SLAMF1: variants seen among roughly 807,000 people sequenced by gnomAD.
SLAMF1 encodes the protein signaling lymphocytic activation molecule family member 1.
SLAMF1 carries 18 observed loss-of-function variants against 35.1 expected under a neutral mutation model. The ratio of observed to expected loss-of-function variants is 0.51; its 90% confidence interval spans 0.35 to 0.76. The LOEUF (loss-of-function observed/expected upper bound fraction) is 0.76, where lower values mean the gene tolerates loss of function less well. Ranked by LOEUF, SLAMF1 falls within the 30% of genes least tolerant of loss-of-function variation. The probability of loss-of-function intolerance (pLI) is 0.01; values close to 1 mark genes in which losing one functional copy is unlikely to be tolerated. For missense variants in SLAMF1, 392 were observed against 413.0 expected (o/e 0.95, Z 0.44); for synonymous variants, 168 against 157.2 (o/e 1.07, Z -0.51).
chr1:160,634,314 C>A, intron 3 of SLAMF1: 1 of 786,130 alleles, frequency 1.3e-6, no homozygotes, highest in Non-Finnish European at 1.5e-6. Context: ...ACCCAGCCAA[C>A]CTTGCAGGTT....
chr1:160,615,424 A>G (rs1191192226), intron 5 of SLAMF1, among the ~76,000 whole-genome samples: 1 of 152,124 alleles, frequency 6.6e-6, no homozygotes, highest in Non-Finnish European at 1.5e-5. Context: ...AAAAAGACTG[A>G]AAAAAGTTGT....
chr1:160,633,212 G>A lies in SLAMF1; in HGVS notation c.700+1401C>T, dbSNP rs559381631. Among the ~76,000 whole-genome samples the A allele has an allele frequency of 2.0e-5, 3 of 152,268 alleles. No individual in the cohort carries two copies. In the East Asian group the frequency reaches 5.8e-4, roughly 29 times the overall value. The stretch of plus-strand genomic sequence containing the variant: ...CCTTCTAAATGACTGTGGGTGGGGA[G>A]AGCGCTCTGAACTGGGGGGTAGCCT... On this transcript the variant is annotated intron_variant, in intron 3 of 6. Transcript: ENST00000302035.
At chr1:160,640,323 G>C in intron 1 of SLAMF1, among the ~76,000 whole-genome samples, 1 of 45,386 alleles carries the variant, frequency 2.2e-5, no homozygotes, top group South Asian at 9.0e-4. Context: ...TATTAGGTTT[G>C]TCATATATAT....
chr1:160,642,299 C>G lies in SLAMF1; in HGVS notation c.76+4571G>C, dbSNP rs906192718. ...CGTTCCCTAGCCTTAGAGGCTATAA[C>G]CACTCTTTATTTGCCTAGCTAACAA... On this transcript the variant is annotated intron_variant, in intron 1 of 6. Coordinates refer to ENST00000302035, the MANE Select transcript of SLAMF1 (RefSeq NM_003037.5). The surrounding 1 kb of genome is among the most constrained non-coding windows in gnomAD (Gnocchi z 4.2). 1.1e-4 allele frequency among the ~76,000 whole-genome samples: 17 copies of G among 152,292 alleles called. No homozygotes were observed. In the South Asian group the frequency reaches 3.5e-3, roughly 32 times the overall value.
Position 160,608,360 on chromosome 1 carries a change from T to TAA in SLAMF1, c.*2387_*2388insTT, listed in dbSNP as rs1334538887. ...TTCTCTAGAATTCAGACATGCTTGG[T>TAA]CAAAAGAAAACAGCATTAGAGGGGA... On this transcript the variant is annotated 3_prime_UTR_variant, in exon 7 of 7. Coordinates refer to ENST00000302035, the MANE Select transcript of SLAMF1 (RefSeq NM_003037.5). 6.6e-6 allele frequency: 1 copy of TAA among 152,050 alleles called. No homozygotes were observed. The highest frequency in any genetic ancestry group is 1.5e-5 in the Non-Finnish European group (1 of 67,990). 9.4% of individuals were successfully genotyped at this position (152,050 alleles called of 1,614,324 possible).
At chr1:160,644,595 TG>T (rs2102371915) in intron 1 of SLAMF1, among the ~76,000 whole-genome samples, 1 of 152,340 alleles carries the variant, frequency 6.6e-6, no homozygotes, top group South Asian at 2.1e-4. Context: ...CCCCACACCT[TG>T]CACCCTTGCA....
At chr1:160,634,218 A>G (rs1660307571) in intron 3 of SLAMF1, 1 of 153,662 alleles carries the variant, frequency 6.5e-6, no homozygotes, top group Non-Finnish European at 1.4e-5. Flanking sequence ...GTAGGTGATC[A>G]GTAAATACTA....
chr1:160,636,116 C>T (rs1012060023), intron 2 of SLAMF1, among the ~76,000 whole-genome samples: 2 of 152,100 alleles, frequency 1.3e-5, no homozygotes, highest in Admixed American at 1.3e-4. Flanking sequence ...CAAGATGTGA[C>T]AAAAACAGGA....
At chr1:160,627,857 T>G (rs948048256) in intron 3 of SLAMF1, among the ~76,000 whole-genome samples, 1 of 152,166 alleles carries the variant, frequency 6.6e-6, no homozygotes, top group African/African-American at 2.4e-5. Flanking sequence ...TCACCTTGAA[T>G]TGTAATAATC....
In SLAMF1 at chr1:160,637,337, C is replaced by T. The variant is rs772545709; in HGVS notation, c.269G>A (p.Arg90His). The T allele has an allele frequency of 2.2e-5, 36 of 1,613,950 alleles. No homozygotes were observed. Among genetic ancestry groups the T allele is most frequent in the Admixed American group, 5.0e-5 (3 of 60,000 alleles). ...SLDPSEAGPPRYLGDRYKFYL... is the reference protein window; with the variant it reads ...SLDPSEAGPPHYLGDRYKFYL... ...AAACTTGTAGCGATCTCCTAGATAA[C>T]GTGGAGGGCCTGCTTCGGATGGATC... The change falls in exon 2 of 7, where the codon CGT (arginine) becomes CAT (histidine). Residue 90 changes from arginine (R) to histidine (H), a missense_variant. Physicochemically the swap from Arg to His is conservative, Grantham distance 29. Coordinates refer to ENST00000302035, the MANE Select transcript of SLAMF1 (RefSeq NM_003037.5).
intron 3 of SLAMF1, 73 bp from the exon 4 acceptor site, chr1:160,624,258 G>A (rs970069264): frequency 2.9e-6 from 3 of 1,037,148 alleles, no homozygotes; most frequent in East Asian, 4.8e-5. Context: ...ATGAAAGTGG[G>A]ATAATGGAGC....
intron 3 of SLAMF1, 75 bp downstream of exon 3, chr1:160,634,538 G>T: frequency 6.8e-7 from 1 of 1,464,000 alleles, no homozygotes; most frequent in Non-Finnish European, 9.2e-7. Context: ...GCCATGGCTG[G>T]GGAGCAATTG....
At chr1:160,625,847 G>GTGTATGTGTGTA (rs1553240255) in intron 3 of SLAMF1, among the ~76,000 whole-genome samples, 1 of 148,132 alleles carries the variant, frequency 6.8e-6, no homozygotes. Context: ...GTGTGTGTGT[G>GTGTATGTGTGTA]TGTGTGTATG....
chr1:160,610,430 C>T lies in SLAMF1; in HGVS notation c.*318G>A, dbSNP rs9282852. On this transcript the variant is annotated 3_prime_UTR_variant, in exon 7 of 7. Transcript: ENST00000302035. ...CTGATTTTTATTATCCAGTTCCAGC[C>T]AAGAGCAAGATGCCCAAAGTCTGAA... 7 of 484,956 alleles carry T rather than the reference C, an allele frequency of 1.4e-5. No homozygotes were observed. The highest frequency in any genetic ancestry group is 2.4e-5 in the Non-Finnish European group (6 of 247,778). 30.0% of individuals were successfully genotyped at this position (484,956 alleles called of 1,614,324 possible).
rs560035937 is a variant in SLAMF1, at chr1:160,637,661, C to T, written c.77-132G>A. The T allele has an allele frequency of 1.8e-4, 116 of 637,902 alleles. 2 individuals are homozygous for T. The highest frequency in any genetic ancestry group is 1.7e-3 in the South Asian group (89 of 50,918). 39.5% of individuals were successfully genotyped at this position (637,902 alleles called of 1,614,324 possible). The stretch of plus-strand genomic sequence containing the variant: ...CTATCCCTGGGGTTGCCAAGTCCTT[C>T]GTGGTCTATAAGAACTGCCTTGAGG... On this transcript the variant is annotated intron_variant, in intron 1 of 6. Transcript: ENST00000302035.
At chr1:160,624,887 G>C (rs1039607002) in intron 3 of SLAMF1, among the ~76,000 whole-genome samples, 1 of 152,168 alleles carries the variant, frequency 6.6e-6, no homozygotes, top group African/African-American at 2.4e-5. Flanking sequence ...AACAGTGAAT[G>C]AGAATTATCA....
At chr1:160,621,181 A>G (rs1386170122) in intron 4 of SLAMF1, among the ~76,000 whole-genome samples, 1 of 152,198 alleles carries the variant, frequency 6.6e-6, no homozygotes, top group Non-Finnish European at 1.5e-5. Flanking sequence ...GGATTATTGC[A>G]AAGTCCAGGC....
chr1:160,637,149 C>A (rs1317591914), intron 2 of SLAMF1, 42 bp downstream of exon 2: 3 of 1,407,096 alleles, frequency 2.1e-6, no homozygotes, highest in Non-Finnish European at 3.0e-6. Flanking sequence ...CAAAGGAGCA[C>A]CTTGGCCCTT....
chr1:160,629,712 T>A (rs1660070323), intron 3 of SLAMF1, among the ~76,000 whole-genome samples: 1 of 152,246 alleles, frequency 6.6e-6, no homozygotes, highest in Non-Finnish European at 1.5e-5. Flanking sequence ...GCGCTCATGC[T>A]TTCGTGGTAA....
Sources: allele counts gnomAD v4.1 joint callset (sites outside exome capture counted in the v4.1 genomes callset), GRCh38; gene constraint gnomAD v4.1.1; non-coding constraint Gnocchi (gnomAD v3.1); transcripts MANE v1.5; gene names NCBI Gene and HGNC (gene_info 2026-07-23, HGNC 2026-07-21).